SPAG1: variants seen among roughly 807,000 people sequenced by gnomAD.
SPAG1 encodes sperm associated antigen 1, also known as sperm-associated antigen 1.
In SPAG1, 69 loss-of-function variants were observed where a neutral mutation model predicts 100.5. That is an observed-to-expected ratio of 0.69 (90% CI 0.57 to 0.84). The LOEUF is 0.84. SPAG1 is among the 40% of genes least tolerant of loss of function. SPAG1 has a pLI of 0.00. For missense variants in SPAG1, 955 were observed against 1,133.1 expected (o/e 0.84, Z 2.26); for synonymous variants, 336 against 411.6 (o/e 0.82, Z 2.22).
Position 100,213,102 on chromosome 8 carries a change from C to T in SPAG1, c.1109C>T (p.Pro370Leu), listed in dbSNP as rs1251684529. The T allele has an allele frequency of 1.4e-6, 2 of 1,474,146 alleles. No homozygotes were observed. Among genetic ancestry groups the T allele is most frequent in the Non-Finnish European group, 1.8e-6 (2 of 1,119,040 alleles). The allele number at this position is 1,474,146 out of a possible 1,614,324, so 91.3% of individuals were successfully genotyped here. A position where few individuals can be genotyped will look rare whatever the true frequency, so the allele number is the denominator to read the frequency against. Reference sequence around the variant, plus strand: ...CACTTCCTCACAGAGCCCGCGGAGCCGGCGGGAGCCGCGCGCGCCGCCCAG... The same window carrying T: ...CACTTCCTCACAGAGCCCGCGGAGCTGGCGGGAGCCGCGCGCGCCGCCCAG... ...DGGGDKKPAEPAGAARAAQPC... is the reference protein window; with the variant it reads ...DGGGDKKPAELAGAARAAQPC... Residue 370 changes from proline (P) to leucine (L), a missense_variant, in exon 11 of 19, where the codon CCG becomes CTG. Pro to Leu is a moderately conservative substitution (Grantham distance 98). Coordinates refer to ENST00000388798, the MANE Select transcript of SPAG1 (RefSeq NM_003114.5).
intron 10 of SPAG1, among the ~76,000 whole-genome samples, chr8:100,202,620 G>A (rs948472530): frequency 2.1e-5 from 3 of 142,880 alleles, no homozygotes; most frequent in Non-Finnish European, 4.5e-5. Flanking sequence ...TGAGGCAGGA[G>A]AATGGCGTGA....
At chr8:100,225,998 G>GT (rs57004927) in intron 14 of SPAG1, among the ~76,000 whole-genome samples, 3,616 of 132,142 alleles carry the variant, frequency 0.027, 78 homozygotes, top group Admixed American at 0.067. Context: ...ATGCCAGCTA[G>GT]TTTTTTTTTT....
At chr8:100,193,018 G>C (rs556459219) in intron 9 of SPAG1, among the ~76,000 whole-genome samples, 1 of 152,130 alleles carries the variant, frequency 6.6e-6, no homozygotes, top group South Asian at 2.1e-4. Context: ...AGTTCTAGAA[G>C]AAAACATAGG....
chr8:100,199,726 T>G (rs1309126931), intron 10 of SPAG1, among the ~76,000 whole-genome samples: 1 of 152,194 alleles, frequency 6.6e-6, no homozygotes, highest in Non-Finnish European at 1.5e-5. Context: ...GGATTACAGA[T>G]GTGAGCCACT....
intron 3 of SPAG1, among the ~76,000 whole-genome samples, chr8:100,174,699 T>A (rs930724609): frequency 1.3e-5 from 2 of 152,200 alleles, no homozygotes; most frequent in Admixed American, 1.3e-4. Context: ...TTAGTTTATT[T>A]TCTGGCATTG....
Position 100,213,283 on chromosome 8 carries a change from C to A in SPAG1, c.1290C>A (p.Gly430=). 8.2e-7 allele frequency: 1 copy of A among 1,216,538 alleles called. No individual in the cohort carries two copies. The allele number at this position is 1,216,538 out of a possible 1,614,324, so 75.4% of individuals were successfully genotyped here. A position where few individuals can be genotyped will look rare whatever the true frequency, so the allele number is the denominator to read the frequency against. The change falls in exon 11 of 19, where the codon GGC becomes GGA. Residue 430 remains glycine (G), a synonymous_variant. Transcript: ENST00000388798. ...RRASAAAAAG[G]GATGHPGGGQ... ...CCTCTGCGGCGGCGGCGGCGGGCGG[C>A]GGCGCCACCGGGCATCCGGGCGGCG... is the stretch of plus-strand genomic sequence containing the variant.
At chr8:100,227,635 AACCATAGCACAAG>A (rs1234969778) in intron 14 of SPAG1, among the ~76,000 whole-genome samples, 4 of 152,180 alleles carry the variant, frequency 2.6e-5, no homozygotes, top group Non-Finnish European at 5.9e-5. Flanking sequence ...TGAGTTAGCA[AACCATAGCACAAG>A]TATAATCAGC....
intron 10 of SPAG1, among the ~76,000 whole-genome samples, chr8:100,201,981 C>A (rs1375040120): frequency 6.6e-6 from 1 of 152,182 alleles, no homozygotes; most frequent in Non-Finnish European, 1.5e-5. Flanking sequence ...GGAACCCTAA[C>A]TTGAAACCTG....
rs1817031024 is a variant in SPAG1 at position 100,196,365 on chromosome 8, C to T, written c.1096+2097C>T. The stretch of plus-strand genomic sequence containing the variant: ...TAACATATGAGAGTTCTAGATGCTT[C>T]TCGTCCTTGCCAGCATTTGGTATTG... On this transcript the variant is annotated intron_variant, in intron 10 of 18. Transcript: ENST00000388798. Among the ~76,000 whole-genome samples the T allele has an allele frequency of 4.6e-5, 7 of 152,292 alleles. No homozygotes were observed. In the South Asian group the frequency reaches 1.4e-3, roughly 32 times the overall value.
At chr8:100,213,486 T>C (rs1586497516) in intron 11 of SPAG1, 58 bp downstream of exon 11, 1 of 1,299,690 alleles carries the variant, frequency 7.7e-7, no homozygotes, top group Non-Finnish European at 9.9e-7. Context: ...TCACCCGACC[T>C]CCGGGGCCCC....
At chr8:100,196,368 G>C (rs902902739) in intron 10 of SPAG1, among the ~76,000 whole-genome samples, 3 of 152,072 alleles carry the variant, frequency 2.0e-5, no homozygotes, top group Non-Finnish European at 4.4e-5. Flanking sequence ...GATGCTTCTC[G>C]TCCTTGCCAG....
At chr8:100,222,227 C>T (rs1818315511) in intron 13 of SPAG1, among the ~76,000 whole-genome samples, 1 of 152,188 alleles carries the variant, frequency 6.6e-6, no homozygotes. Context: ...GTCTCCCTAC[C>T]CCATAGGTGC....
rs182960845 is a variant in SPAG1, at chr8:100,225,806, C to T, written c.1855+467C>T. On this transcript the variant is annotated intron_variant, in intron 14 of 18. Coordinates refer to ENST00000388798, the MANE Select transcript of SPAG1 (RefSeq NM_003114.5). ...AGAAGTTGCTACATACCTCCTGTGT[C>T]CTACTAGTATACATGTAAAAGCGTT... Among the ~76,000 whole-genome samples the T allele has an allele frequency of 5.5e-3, 835 of 151,860 alleles. 3 individuals carry two copies. Among genetic ancestry groups the T allele is most frequent in the Non-Finnish European group, 8.9e-3 (606 of 67,934 alleles).
At chr8:100,165,242 C>T in intron 2 of SPAG1, 1 of 521,826 alleles carries the variant, frequency 1.9e-6, no homozygotes. Context: ...CATCACGACT[C>T]TAGGAATAAT....
Position 100,239,452 on chromosome 8 carries a change from ACTGG to A in SPAG1, c.2280+49_2280+52del. The A allele has an allele frequency of 2.9e-5, 35 of 1,196,190 alleles. No homozygotes were observed. Among genetic ancestry groups the A allele is most frequent in the Non-Finnish European group, 3.9e-5 (32 of 811,326 alleles). 74.1% of individuals were successfully genotyped at this position (1,196,190 alleles called of 1,614,324 possible). On this transcript the variant is annotated intron_variant, in intron 17 of 18. Coordinates refer to ENST00000388798, the MANE Select transcript of SPAG1 (RefSeq NM_003114.5). The surrounding 1 kb of genome is among the most constrained non-coding windows in gnomAD (Gnocchi z 5.0). ...GAAAGTACTCCTTTGGGGACCTTAGACTGGATTCTAAGGTCATATTCCTGTGAGT... is the reference window on the plus strand; with the variant it reads ...GAAAGTACTCCTTTGGGGACCTTAGAATTCTAAGGTCATATTCCTGTGAGT...
Position 100,226,300 on chromosome 8 carries a change from G to C in SPAG1, c.1855+961G>C, listed in dbSNP as rs541382628. ...GCATGAGCCACCATGCGTGGTTTAA[G>C]GCAGGGGAATGTATTAATAAATGTC... is the stretch of plus-strand genomic sequence containing the variant. On this transcript the variant is annotated intron_variant, in intron 14 of 18. Transcript: ENST00000388798. Among the ~76,000 whole-genome samples the C allele has an allele frequency of 2.0e-5, 3 of 152,192 alleles. No individual in the cohort carries two copies. In the South Asian group the frequency reaches 6.2e-4, roughly 32 times the overall value.
chr8:100,231,160 A>G lies in SPAG1; in HGVS notation c.1860A>G (p.Glu620=). 3 of 1,599,328 alleles carry G rather than the reference A, an allele frequency of 1.9e-6. No individual in the cohort carries two copies. Among genetic ancestry groups the G allele is most frequent in the South Asian group, 2.3e-5 (2 of 88,626 alleles). ...CTTTGTTTTTTTGTCCCATAGATGA[A>G]AAAACATTTAAAGCCCTTAAGGAAG... is the stretch of plus-strand genomic sequence containing the variant. The part of the protein sequence containing the change: ...SSHRQQGITD[E]KTFKALKEEG... The change falls in exon 15 of 19, where the codon GAA becomes GAG. Residue 620 remains glutamate, a synonymous_variant. Coordinates refer to ENST00000388798, the MANE Select transcript of SPAG1 (RefSeq NM_003114.5).
intron 1 of SPAG1, among the ~76,000 whole-genome samples, chr8:100,161,628 C>T (rs753777664): frequency 2.2e-4 from 34 of 151,964 alleles, no homozygotes; most frequent in Non-Finnish European, 4.3e-4. Flanking sequence ...GAAGAAACTC[C>T]CCAGACCTCC....
intron 1 of SPAG1, among the ~76,000 whole-genome samples, chr8:100,160,080 G>C (rs1815239436): frequency 6.6e-6 from 1 of 152,120 alleles, no homozygotes; most frequent in South Asian, 2.1e-4. Flanking sequence ...ACTTAGAATG[G>C]TGCCTAGCAC....
Sources: gnomAD v4.1 joint callset for allele counts (sites outside exome capture counted in the v4.1 genomes callset) on GRCh38, gnomAD v4.1.1 for gene constraint, Gnocchi (gnomAD v3.1) non-coding constraint, MANE v1.5 for transcripts, NCBI Gene and HGNC (gene_info 2026-07-23, HGNC 2026-07-21) for gene names.